CUBN: variants seen among roughly 807,000 people sequenced by gnomAD.
CUBN encodes the protein 460 kDa receptor.
CUBN carries 282 observed loss-of-function variants against 405.3 expected under a neutral mutation model. The observed-to-expected ratio is 0.70, with a 90% confidence interval of 0.63 to 0.77. The LOEUF (loss-of-function observed/expected upper bound fraction) is 0.77. Ranked by LOEUF, CUBN falls within the 30% of genes least tolerant of loss-of-function variation. The pLI is 0.00. For synonymous variants in CUBN, 1,684 were observed against 1,617.0 expected, an observed-to-expected ratio of 1.04 and a Z score of -0.99; for missense variants, 4,514 against 4,475.2, an observed-to-expected ratio of 1.01 and a Z score of -0.25.
At chr10:17,008,465 C>T (rs76169132) in intron 28 of CUBN, among the ~76,000 whole-genome samples, 5,235 of 80,192 alleles carry the variant, frequency 0.065, 180 homozygotes, top group African/African-American at 0.15. Flanking sequence ...TGTGTGTGTG[C>T]GCGCTTAGCC....
At chr10:17,021,140 G>A (rs1834489978) in intron 27 of CUBN, among the ~76,000 whole-genome samples, 1 of 151,774 alleles carries the variant, frequency 6.6e-6, no homozygotes, top group African/African-American at 2.4e-5. Flanking sequence ...ATGTTTAGGG[G>A]CATTTAGATT....
chr10:16,914,855 T>G (rs368658140), intron 47 of CUBN, among the ~76,000 whole-genome samples, 177 bp downstream of exon 47: 4 of 152,206 alleles, frequency 2.6e-5, no homozygotes, highest in African/African-American at 9.7e-5. Context: ...TTATTTTCCC[T>G]TATAGCATTG....
At chr10:17,081,070 T>A (rs1421948118) in intron 17 of CUBN, among the ~76,000 whole-genome samples, 1 of 152,140 alleles carries the variant, frequency 6.6e-6, no homozygotes, top group Non-Finnish European at 1.5e-5. Flanking sequence ...AAGAAAGATA[T>A]GCTACACTGG....
intron 57 of CUBN, 121 bp from the exon 58 acceptor site, chr10:16,874,624 T>G (rs1840449664): frequency 8.4e-7 from 1 of 1,187,482 alleles, no homozygotes; most frequent in Admixed American, 1.9e-5. Context: ...ATTATTTTTC[T>G]TAAAGTGACT....
At chr10:16,944,235 T>C (rs1177403505) in intron 36 of CUBN, among the ~76,000 whole-genome samples, 1 of 152,222 alleles carries the variant, frequency 6.6e-6, no homozygotes, top group Non-Finnish European at 1.5e-5. Context: ...GCATGTAATT[T>C]ACCTTCTGAG....
intron 27 of CUBN, among the ~76,000 whole-genome samples, chr10:17,026,183 T>A (rs770489974): frequency 6.6e-5 from 10 of 152,316 alleles, no homozygotes; most frequent in Admixed American, 5.2e-4. Context: ...CAGCAGGATC[T>A]GTGGAGAGGC....
At chr10:17,066,962 C>G (rs1251865538) in intron 21 of CUBN, among the ~76,000 whole-genome samples, 1 of 152,088 alleles carries the variant, frequency 6.6e-6, no homozygotes, top group Admixed American at 6.6e-5. Flanking sequence ...CCTTCAGAGA[C>G]AGGAAACAAA....
Position 16,920,088 on chromosome 10 carries a change from C to T in CUBN, c.6696G>A (p.Val2232=), listed in dbSNP as rs1039114405. Residue 2232 remains valine (V), a synonymous_variant, in exon 44 of 67, where the codon GTG becomes GTA. Coordinates refer to ENST00000377833, the MANE Select transcript of CUBN (RefSeq NM_001081.4). Reference sequence around the variant, plus strand: ...AATTATGAGGGTGGTTGGGGGAGGTCACATACCCAGCAGAATCAGCATCAT... The same window carrying T: ...AATTATGAGGGTGGTTGGGGGAGGTTACATACCCAGCAGAATCAGCATCAT... ...YIHDADSAGY[V]TSPNHPHNYP... is the part of the protein sequence containing the mutation. 1.9e-6 allele frequency: 3 copies of T among 1,613,768 alleles called. No individual in the cohort carries two copies. In the African/African-American group the frequency reaches 4.0e-5, roughly 22 times the overall value.
At chr10:17,079,137 T>G (rs887492737) in intron 17 of CUBN, among the ~76,000 whole-genome samples, 2 of 152,102 alleles carry the variant, frequency 1.3e-5, no homozygotes, top group African/African-American at 4.8e-5. Context: ...CCAGCAGTTG[T>G]GGAAAAACTG....
chr10:16,865,790 C>A (rs529390894), intron 59 of CUBN, among the ~76,000 whole-genome samples: 1 of 152,248 alleles, frequency 6.6e-6, no homozygotes, highest in Admixed American at 6.5e-5. Flanking sequence ...GCAACCTGCT[C>A]GGGTACCCTT....
chr10:17,005,795 T>A (rs572199645), intron 28 of CUBN, among the ~76,000 whole-genome samples: 1 of 152,138 alleles, frequency 6.6e-6, no homozygotes, highest in Non-Finnish European at 1.5e-5. Context: ...CTGAATTGTA[T>A]CTCTGCCAAA....
rs1178863731 is a variant in CUBN at position 16,828,882 on chromosome 10, C to G, written c.10687G>C (p.Asp3563His). 3 of 1,614,082 alleles carry G rather than the reference C, an allele frequency of 1.9e-6. No individual in the cohort carries two copies. Among genetic ancestry groups the G allele is most frequent in the Non-Finnish European group, 2.5e-6 (3 of 1,180,042 alleles). ...FYFISIDDPG[D>H]CVQNYLTLYD... ...AGTGTGAGATAGTTCTGGACACAGT[C>G]TCCTGGATCGTCAATGCTGATGAAG... Residue 3563 changes from aspartate to histidine, a missense_variant, in exon 66 of 67, where the codon GAC becomes CAC. Physicochemically the swap from Asp to His is moderately conservative, Grantham distance 81. Coordinates refer to ENST00000377833, the MANE Select transcript of CUBN (RefSeq NM_001081.4).
At chr10:16,827,868 TG>T (rs1296888208) in intron 66 of CUBN, among the ~76,000 whole-genome samples, 1 of 152,218 alleles carries the variant, frequency 6.6e-6, no homozygotes, top group Admixed American at 6.5e-5. Flanking sequence ...CCCAAAGTGT[TG>T]GGATTGCAGG....
Position 16,851,436 on chromosome 10 carries a change from C to T in CUBN, c.9462G>A (p.Gln3154=), listed in dbSNP as rs1418346942. The T allele has an allele frequency of 6.2e-7, 1 of 1,614,090 alleles. No homozygotes were observed. The highest frequency in any genetic ancestry group is 1.7e-5 in the Admixed American group (1 of 60,024). Residue 3154 remains glutamine (Q), a synonymous_variant, in exon 60 of 67, where the codon CAG becomes CAA. Coordinates refer to ENST00000377833, the MANE Select transcript of CUBN (RefSeq NM_001081.4). ...KMSFRQTLGP[Q]QGCGGYLTGS... ...CTGTCAGATAACCACCACATCCTTGCTGAGGCCCTGCATTAAAACAAAGAC... is the reference window on the plus strand; with the variant it reads ...CTGTCAGATAACCACCACATCCTTGTTGAGGCCCTGCATTAAAACAAAGAC...
intron 43 of CUBN, 135 bp downstream of exon 43, chr10:16,925,106 T>A (rs1842144313): frequency 4.5e-6 from 3 of 674,004 alleles, no homozygotes; most frequent in Non-Finnish European, 7.9e-6. Context: ...ATTGAATGTA[T>A]CAAATATAAT....
intron 17 of CUBN, among the ~76,000 whole-genome samples, chr10:17,082,271 G>A (rs963871026): frequency 6.6e-6 from 1 of 152,146 alleles, no homozygotes; most frequent in African/African-American, 2.4e-5. Flanking sequence ...AATTGTCCAA[G>A]GTTATACGGT....
intron 31 of CUBN, among the ~76,000 whole-genome samples, chr10:16,957,328 A>T (rs1843092879): frequency 6.6e-6 from 1 of 152,186 alleles, no homozygotes; most frequent in Non-Finnish European, 1.5e-5. Context: ...ATGAACATAA[A>T]GTCCTTCAGG....
intron 9 of CUBN, 130 bp downstream of exon 9, chr10:17,110,789 C>T: frequency 1.5e-6 from 2 of 1,373,682 alleles, no homozygotes; most frequent in South Asian, 2.3e-5. Context: ...TCCCAAAGTG[C>T]TGGGATTACA....
At chr10:16,837,222 G>A (rs1483547473) in intron 62 of CUBN, among the ~76,000 whole-genome samples, 2 of 151,724 alleles carry the variant, frequency 1.3e-5, no homozygotes, top group Non-Finnish European at 2.9e-5. Flanking sequence ...TGTGGCCTTA[G>A]CAAAACCTGG....
Sources: gnomAD v4.1 joint callset for allele counts (sites outside exome capture counted in the v4.1 genomes callset) on GRCh38, gnomAD v4.1.1 for gene constraint, MANE v1.5 for transcripts, NCBI Gene and HGNC (gene_info 2026-07-23, HGNC 2026-07-21) for gene names.